The following ZNF367 variants were observed in gnomAD, a reference collection of about 807,000 sequenced individuals.
ZNF367 encodes the protein zinc finger protein 367.
In ZNF367, 11 loss-of-function variants were observed where a neutral mutation model predicts 31.8. The ratio of observed to expected loss-of-function variants is 0.35; its 90% CI spans 0.22 to 0.57. ZNF367 has a LOEUF of 0.57. ZNF367 is among the 20% of genes least tolerant of loss of function. The pLI is 0.85. For missense variants in ZNF367, 353 were observed against 484.1 expected (o/e 0.73, Z 2.54); for synonymous variants, 199 against 202.4 (o/e 0.98, Z 0.14).
intron 1 of ZNF367, among the ~76,000 whole-genome samples, chr9:96,403,784 T>C (rs1328901302): frequency 1.3e-5 from 2 of 152,216 alleles, no homozygotes; most frequent in Non-Finnish European, 2.9e-5. Context: ...CTTTAACAAA[T>C]GGTTCTGGGA....
At chr9:96,395,854 T>C (rs1831523497) in intron 2 of ZNF367, among the ~76,000 whole-genome samples, 2 of 8,008 alleles carry the variant, frequency 2.5e-4, no homozygotes, top group African/African-American at 3.2e-3. Context: ...TGCTGAAAAA[T>C]TTGTTAATGA....
Position 96,393,177 on chromosome 9 carries a change from G to A in ZNF367, c.692-641C>T, listed in dbSNP as rs545691441. ...TCCCAAAAGATGAACAAAGCTACAC[G>A]TGTGAAAACATTCCCCTCAGCTTTG... On this transcript the variant is annotated intron_variant, in intron 3 of 4. Transcript: ENST00000375256. Among the ~76,000 whole-genome samples the A allele has an allele frequency of 2.6e-5, 4 of 152,256 alleles. No homozygotes were observed. The South Asian group carries it at 6.2e-4, about 24-fold the overall frequency.
chr9:96,393,724 G>A (rs1429195800), intron 3 of ZNF367, among the ~76,000 whole-genome samples: 2 of 151,056 alleles, frequency 1.3e-5, no homozygotes, highest in Non-Finnish European at 3.0e-5. Flanking sequence ...CCAGCTACTC[G>A]GGAGGCTGAG....
intron 4 of ZNF367, among the ~76,000 whole-genome samples, chr9:96,390,892 A>AG (rs1831465227): frequency 6.6e-6 from 1 of 150,654 alleles, no homozygotes; most frequent in East Asian, 1.9e-4. Context: ...TCGAAAAAAA[A>AG]AAAAAAAAAA....
At chr9:96,408,596 G>A (rs1019080630) in intron 1 of ZNF367, among the ~76,000 whole-genome samples, 2 of 152,176 alleles carry the variant, frequency 1.3e-5, no homozygotes, top group Admixed American at 1.3e-4. Context: ...AAGAGTGGTG[G>A]TGGCCAGGGA....
At chr9:96,408,410 AGT>A (rs1564144001) in intron 1 of ZNF367, among the ~76,000 whole-genome samples, 1 of 152,254 alleles carries the variant, frequency 6.6e-6, no homozygotes, top group Non-Finnish European at 1.5e-5. Flanking sequence ...AAGCAAACTC[AGT>A]GTGTTAGTAA....
At chr9:96,389,070 G>A (rs1296553010) in intron 4 of ZNF367, among the ~76,000 whole-genome samples, 2 of 152,160 alleles carry the variant, frequency 1.3e-5, no homozygotes, top group Admixed American at 6.5e-5. Context: ...AGGCAAGGCA[G>A]GCAGATCACT....
At chr9:96,414,997 T>C (rs542002357) in intron 1 of ZNF367, among the ~76,000 whole-genome samples, 1 of 151,954 alleles carries the variant, frequency 6.6e-6, no homozygotes, top group Non-Finnish European at 1.5e-5. Context: ...GTGTTTTTTT[T>C]AAAAGACTAA....
chr9:96,403,242 A>C (rs1035859601), intron 1 of ZNF367, among the ~76,000 whole-genome samples: 3 of 152,226 alleles, frequency 2.0e-5, no homozygotes, highest in African/African-American at 7.2e-5. Flanking sequence ...TGCTGGAATT[A>C]CAAGCATGAG....
At chr9:96,414,711 C>T (rs1260476466) in intron 1 of ZNF367, among the ~76,000 whole-genome samples, 1 of 152,116 alleles carries the variant, frequency 6.6e-6, no homozygotes, top group East Asian at 1.9e-4. Context: ...CTCTTGACCT[C>T]GTGACCAGCC....
intron 3 of ZNF367, among the ~76,000 whole-genome samples, chr9:96,393,095 G>A (rs1254959569): frequency 6.6e-6 from 1 of 152,050 alleles, no homozygotes; most frequent in African/African-American, 2.4e-5. Context: ...GGGGTCGGGT[G>A]GAGTTCAAAA....
At chr9:96,388,515 TAC>T (rs1831431524) in intron 4 of ZNF367, 56 bp from the exon 5 acceptor site, 1 of 1,501,976 alleles carries the variant, frequency 6.7e-7, no homozygotes, top group African/African-American at 1.4e-5. Flanking sequence ...TCCAAATGTT[TAC>T]TTTTCTTTTA....
intron 1 of ZNF367, among the ~76,000 whole-genome samples, chr9:96,413,777 T>C (rs1043097780): frequency 2.0e-5 from 3 of 152,132 alleles, no homozygotes; most frequent in Non-Finnish European, 2.9e-5. Context: ...GAGGCAGTGT[T>C]GGGCAGGAAC....
intron 1 of ZNF367, among the ~76,000 whole-genome samples, chr9:96,411,305 G>C (rs1831746121): frequency 6.6e-6 from 1 of 152,102 alleles, no homozygotes; most frequent in Admixed American, 6.6e-5. Flanking sequence ...CCCACTGCTT[G>C]GGAATTTGAG....
At chr9:96,416,429 A>G (rs978320289) in intron 1 of ZNF367, among the ~76,000 whole-genome samples, 1 of 152,156 alleles carries the variant, frequency 6.6e-6, no homozygotes, top group Admixed American at 6.5e-5. Context: ...CAGTTTCAAG[A>G]GCTGAAGTGT....
rs540782443 is a variant in ZNF367, at chr9:96,386,232, T to C, written c.*2005A>G. ...TGCAATTATACAAATAAAAAATGTTTATGAAAAAACTATTAGAGTTGACAA... is the reference window on the plus strand; with the variant it reads ...TGCAATTATACAAATAAAAAATGTTCATGAAAAAACTATTAGAGTTGACAA... On this transcript the variant is annotated 3_prime_UTR_variant, in exon 5 of 5. Transcript: ENST00000375256. 1 of 152,280 alleles carries C rather than the reference T, an allele frequency of 6.6e-6. No homozygotes were observed. Among genetic ancestry groups the C allele is most frequent in the East Asian group, 1.9e-4 (1 of 5,192 alleles). 9.4% of individuals were successfully genotyped at this position (152,280 alleles called of 1,614,324 possible). A position where few individuals can be genotyped will look rare whatever the true frequency, so the allele number is the denominator to read the frequency against.
chr9:96,388,787 C>A (rs1831435159), intron 4 of ZNF367, among the ~76,000 whole-genome samples: 1 of 152,156 alleles, frequency 6.6e-6, no homozygotes, highest in Non-Finnish European at 1.5e-5. Context: ...GTAGAAAAAA[C>A]AGTCTTTAGA....
At chr9:96,390,884 GAAAAAA>G (rs34868065) in intron 4 of ZNF367, among the ~76,000 whole-genome samples, 5 of 56,602 alleles carry the variant, frequency 8.8e-5, no homozygotes, top group Admixed American at 2.6e-4. Context: ...ACCCTGTCTC[GAAAAAA>G]AAAAAAAAAA....
At chr9:96,402,444 C>CTTTTTTTTTTTTTTTTT (rs1174997133) in intron 1 of ZNF367, among the ~76,000 whole-genome samples, 1 of 66,082 alleles carries the variant, frequency 1.5e-5, no homozygotes, top group African/African-American at 6.8e-5. Context: ...TTCTTTCTTT[C>CTTTTTTTTTTTTTTTTT]TTTTTTTTTT....
Sources: allele counts gnomAD v4.1 joint callset (sites outside exome capture counted in the v4.1 genomes callset), GRCh38; gene constraint gnomAD v4.1.1; transcripts MANE v1.5; gene names NCBI Gene and HGNC (gene_info 2026-07-23, HGNC 2026-07-21).